Variants in ARHGAP10 observed in about 807,000 individuals in gnomAD.
ARHGAP10 encodes the protein Rho GTPase activating protein 10, also known as rho GTPase-activating protein 10.
ARHGAP10 carries 87 observed loss-of-function variants against 108.6 expected under a neutral mutation model. The observed-to-expected ratio is 0.80, with a 90% CI of 0.67 to 0.96. The LOEUF is 0.96. Ranked by LOEUF, ARHGAP10 falls within the 40% of genes least tolerant of loss-of-function variation. The pLI, the probability that ARHGAP10 is intolerant of heterozygous loss-of-function variation, is 0.00. For missense variants in ARHGAP10, 939 were observed against 954.5 expected (o/e 0.98, Z 0.21); for synonymous variants, 347 against 341.1 (o/e 1.02, Z -0.19).
rs150551977 is a variant in ARHGAP10, at chr4:147,809,545, A to G, written c.155-13182A>G. Among the ~76,000 whole-genome samples, 18 of 152,300 alleles carry G rather than the reference A, an allele frequency of 1.2e-4. No homozygotes were observed. In the East Asian group the frequency reaches 3.5e-3, roughly 29 times the overall value. On this transcript the variant is annotated intron_variant, in intron 1 of 22. Transcript: ENST00000336498. ...TGTTGATGAAGAAACTAAAGCTCAG[A>G]AGCATTGTCACCTGCCCAGAGTCAC...
At chr4:147,968,144 T>A (rs1739273076) in intron 18 of ARHGAP10, among the ~76,000 whole-genome samples, 1 of 152,150 alleles carries the variant, frequency 6.6e-6, no homozygotes, top group Non-Finnish European at 1.5e-5. Flanking sequence ...TGGGCTTCAT[T>A]TATATGTAGG....
intron 13 of ARHGAP10, among the ~76,000 whole-genome samples, chr4:147,933,106 ATCT>A (rs1737770317): frequency 6.6e-6 from 1 of 152,168 alleles, no homozygotes; most frequent in Admixed American, 6.5e-5. Context: ...AAGGAAGCTC[ATCT>A]TCTTTAAATT....
chr4:148,036,829 C>T (rs1294660986), intron 19 of ARHGAP10, among the ~76,000 whole-genome samples: 2 of 152,140 alleles, frequency 1.3e-5, no homozygotes, highest in Non-Finnish European at 2.9e-5. Flanking sequence ...TCAGACTGCT[C>T]TGTGTGTACT....
At chr4:147,852,906 T>TG (rs1327556478) in intron 4 of ARHGAP10, among the ~76,000 whole-genome samples, 1 of 151,770 alleles carries the variant, frequency 6.6e-6, no homozygotes, top group African/African-American at 2.4e-5. Flanking sequence ...TTAGTAGAGA[T>TG]GGGGGGTTTC....
chr4:148,058,134 T>A (rs2149686889), intron 20 of ARHGAP10, among the ~76,000 whole-genome samples: 1 of 152,344 alleles, frequency 6.6e-6, no homozygotes, highest in East Asian at 1.9e-4. Flanking sequence ...CTACAATATT[T>A]CCTTCTGTCT....
intron 19 of ARHGAP10, among the ~76,000 whole-genome samples, chr4:148,042,065 C>T (rs1001032346): frequency 6.6e-6 from 1 of 152,152 alleles, no homozygotes; most frequent in Non-Finnish European, 1.5e-5. Context: ...GATACTGCCA[C>T]GTGGATTTTT....
At chr4:148,051,736 C>T (rs1560893667) in intron 20 of ARHGAP10, among the ~76,000 whole-genome samples, 1 of 152,216 alleles carries the variant, frequency 6.6e-6, no homozygotes, top group African/African-American at 2.4e-5. Flanking sequence ...GTGCCTCAAG[C>T]TGTCGTTGTG....
intron 10 of ARHGAP10, among the ~76,000 whole-genome samples, chr4:147,895,892 C>T (rs1037723727): frequency 1.3e-5 from 2 of 152,024 alleles, no homozygotes; most frequent in African/African-American, 2.4e-5. Flanking sequence ...CTTGTAGATG[C>T]CCTTTTCATT....
intron 10 of ARHGAP10, among the ~76,000 whole-genome samples, chr4:147,882,792 T>G (rs1735382772): frequency 6.6e-6 from 1 of 152,216 alleles, no homozygotes; most frequent in African/African-American, 2.4e-5. Flanking sequence ...TCATCAGTAT[T>G]ACTACTTGTC....
At chr4:147,970,031 C>T (rs1387693172) in intron 18 of ARHGAP10, among the ~76,000 whole-genome samples, 1 of 152,172 alleles carries the variant, frequency 6.6e-6, no homozygotes, top group African/African-American at 2.4e-5. Context: ...GATTAGTTAA[C>T]AGTTCTGAGA....
At chr4:147,989,667 C>G (rs1191858850) in intron 18 of ARHGAP10, among the ~76,000 whole-genome samples, 1 of 152,254 alleles carries the variant, frequency 6.6e-6, no homozygotes, top group East Asian at 1.9e-4. Context: ...AAGGTTATCT[C>G]TCTTATTCCC....
chr4:147,955,679 A>C (rs1418109843), intron 16 of ARHGAP10, among the ~76,000 whole-genome samples: 3 of 152,142 alleles, frequency 2.0e-5, no homozygotes, highest in Non-Finnish European at 4.4e-5. Flanking sequence ...TCATTATACT[A>C]CAAAATGTAC....
At chr4:147,944,924 G>T (rs1285267635) in intron 14 of ARHGAP10, among the ~76,000 whole-genome samples, 1 of 152,066 alleles carries the variant, frequency 6.6e-6, no homozygotes, top group African/African-American at 2.4e-5. Flanking sequence ...GCAATAACCT[G>T]CTACGTTTAA....
chr4:147,948,435 T>A (rs956231580), intron 15 of ARHGAP10, among the ~76,000 whole-genome samples: 1 of 152,184 alleles, frequency 6.6e-6, no homozygotes, highest in African/African-American at 2.4e-5. Context: ...CCTGCAGGAT[T>A]TAAACTGTGC....
intron 18 of ARHGAP10, among the ~76,000 whole-genome samples, chr4:147,978,423 T>C (rs1350101770): frequency 6.6e-6 from 1 of 152,208 alleles, no homozygotes; most frequent in Non-Finnish European, 1.5e-5. Flanking sequence ...AAATCTCATG[T>C]TGAATTGTAA....
chr4:147,870,928 C>CTG (rs57348496), intron 7 of ARHGAP10, among the ~76,000 whole-genome samples: 12,576 of 138,774 alleles, frequency 0.091, 445 homozygotes, highest in South Asian at 0.12. Context: ...AAACTACAGA[C>CTG]TGTGTGTGTG....
At chr4:148,071,353 C>G (rs1876196) in intron 22 of ARHGAP10, among the ~76,000 whole-genome samples, 1 of 152,212 alleles carries the variant, frequency 6.6e-6, no homozygotes, top group Admixed American at 6.5e-5. Flanking sequence ...TGGTGGCTCA[C>G]GCCTGTAATC....
chr4:148,000,016 T>C (rs1038946294), intron 18 of ARHGAP10, among the ~76,000 whole-genome samples: 1 of 152,008 alleles, frequency 6.6e-6, no homozygotes, highest in African/African-American at 2.4e-5. Flanking sequence ...CACGTTGGTG[T>C]GCTGCACCTA....
chr4:147,870,555 G>A, intron 7 of ARHGAP10, among the ~76,000 whole-genome samples: 1 of 93,896 alleles, frequency 1.1e-5, no homozygotes, highest in Admixed American at 1.6e-4. Flanking sequence ...TTGTAAAAGT[G>A]GCTAGACTTT....
Sources: gnomAD v4.1 joint callset for allele counts (sites outside exome capture counted in the v4.1 genomes callset) on GRCh38, gnomAD v4.1.1 for gene constraint, MANE v1.5 for transcripts, NCBI Gene and HGNC (gene_info 2026-07-23, HGNC 2026-07-21) for gene names.